SEMA5A: variants seen among roughly 807,000 people sequenced by gnomAD.
The protein encoded by SEMA5A is semaphorin 5A, also known as semaphorin-5A.
Under a neutral mutation model 135.5 loss-of-function variants are expected in SEMA5A, and 55 were observed. The observed-to-expected ratio is 0.41, with a 90% CI of 0.33 to 0.51. The LOEUF (loss-of-function observed/expected upper bound fraction) is 0.51. SEMA5A is among the 20% of genes least tolerant of loss of function. The pLI is 0.37. For synonymous variants in SEMA5A, 580 were observed against 546.5 expected (o/e 1.06, Z -0.85); for missense variants, 1,290 against 1,419.9 (o/e 0.91, Z 1.47).
At chr5:9,497,798 C>T (rs987650583) in intron 1 of SEMA5A, among the ~76,000 whole-genome samples, 1 of 152,198 alleles carries the variant, frequency 6.6e-6, no homozygotes, top group Non-Finnish European at 1.5e-5. Flanking sequence ...GGTTGATTTG[C>T]CTTCATTAAT....
At chr5:9,400,246 A>T (rs1013486134) in intron 2 of SEMA5A, among the ~76,000 whole-genome samples, 1 of 152,206 alleles carries the variant, frequency 6.6e-6, no homozygotes, top group Non-Finnish European at 1.5e-5. Context: ...TGATAGGTGC[A>T]GCAAACCACC....
rs562364061 is a variant in SEMA5A, at chr5:9,361,521, A to T, written c.124+18302T>A. On this transcript the variant is annotated intron_variant, in intron 3 of 22. Transcript: ENST00000382496. ...GTGAGTTCTAGATAAATACTTAATA[A>T]ATGTCTTACTCTGGGTTTAAATGTG... 4.4e-4 allele frequency among the ~76,000 whole-genome samples: 67 copies of T among 152,178 alleles called. No homozygotes were observed. In the Middle Eastern group the frequency reaches 0.014, roughly 31 times the overall value.
At chr5:9,355,796 G>T (rs1754415598) in intron 3 of SEMA5A, among the ~76,000 whole-genome samples, 1 of 152,118 alleles carries the variant, frequency 6.6e-6, no homozygotes, top group African/African-American at 2.4e-5. Context: ...ACTGAGAGTT[G>T]GAAGAAAGAT....
At chr5:9,217,780 G>A (rs532059242) in intron 8 of SEMA5A, among the ~76,000 whole-genome samples, 74 of 152,172 alleles carry the variant, frequency 4.9e-4, no homozygotes, top group African/African-American at 1.5e-3. Flanking sequence ...GGTTTATTCT[G>A]CTGTTAATAC....
chr5:9,103,685 C>T (rs752742827), intron 16 of SEMA5A, among the ~76,000 whole-genome samples: 6 of 152,156 alleles, frequency 3.9e-5, no homozygotes, highest in Admixed American at 6.5e-5. Context: ...CTGTATCTGA[C>T]GCTGTCTTTG....
intron 16 of SEMA5A, among the ~76,000 whole-genome samples, chr5:9,099,056 T>C (rs1440032531): frequency 6.6e-6 from 1 of 152,182 alleles, no homozygotes; most frequent in Non-Finnish European, 1.5e-5. Context: ...CAGATCTCCA[T>C]ACCAATTGCA....
chr5:9,414,895 A>G lies in SEMA5A; in HGVS notation c.-78+22861T>C, dbSNP rs77023855. 2.9e-3 allele frequency among the ~76,000 whole-genome samples: 436 copies of G among 152,316 alleles called. 3 individuals carry two copies. The highest frequency in any genetic ancestry group is 9.7e-3 in the African/African-American group (402 of 41,576). On this transcript the variant is annotated intron_variant, in intron 2 of 22. Transcript: ENST00000382496. Reference sequence around the variant, plus strand: ...TCACAAGATGACTGATTGAAACAACATATGTAAAACACCTAGGACAGTGCC... The same window carrying G: ...TCACAAGATGACTGATTGAAACAACGTATGTAAAACACCTAGGACAGTGCC...
At chr5:9,380,074 TGGG>T in intron 2 of SEMA5A, 51 bp from the exon 3 acceptor site, 1 of 1,264,028 alleles carries the variant, frequency 7.9e-7, no homozygotes. Context: ...CGTTTTCTGG[TGGG>T]TGGTCTTCTG....
intron 12 of SEMA5A, among the ~76,000 whole-genome samples, chr5:9,150,374 G>A (rs1056012167): frequency 1.3e-5 from 2 of 152,120 alleles, no homozygotes; most frequent in Non-Finnish European, 2.9e-5. Flanking sequence ...GAATAGTGCA[G>A]TTTCTCTGGT....
intron 5 of SEMA5A, among the ~76,000 whole-genome samples, chr5:9,268,198 G>A (rs1205747364): frequency 6.6e-6 from 1 of 152,132 alleles, no homozygotes; most frequent in Non-Finnish European, 1.5e-5. Flanking sequence ...GATTTCATCT[G>A]TTAAGAATCT....
intron 2 of SEMA5A, among the ~76,000 whole-genome samples, chr5:9,404,758 T>C (rs1287404251): frequency 6.6e-6 from 1 of 152,188 alleles, no homozygotes; most frequent in Non-Finnish European, 1.5e-5. Context: ...GTTATTGAGA[T>C]CACAGAAAGA....
intron 1 of SEMA5A, among the ~76,000 whole-genome samples, chr5:9,538,154 C>T (rs1390567351): frequency 6.6e-6 from 1 of 152,140 alleles, no homozygotes; most frequent in African/African-American, 2.4e-5. Flanking sequence ...AAATGAGAGG[C>T]AATTCGTATG....
chr5:9,279,449 G>T (rs577845547), intron 5 of SEMA5A, among the ~76,000 whole-genome samples: 1 of 152,216 alleles, frequency 6.6e-6, no homozygotes, highest in African/African-American at 2.4e-5. Context: ...CTGGATTTTT[G>T]AGTTAATGCT....
intron 5 of SEMA5A, among the ~76,000 whole-genome samples, chr5:9,267,626 C>T (rs1749751761): frequency 1.3e-5 from 2 of 152,102 alleles, no homozygotes; most frequent in Admixed American, 1.3e-4. Flanking sequence ...AGATAAAAGG[C>T]ATCTGATTCC....
intron 1 of SEMA5A, among the ~76,000 whole-genome samples, chr5:9,457,088 G>C: frequency 6.6e-6 from 1 of 152,094 alleles, no homozygotes. Flanking sequence ...ATCTATTTCA[G>C]AGCTTTTAGG....
intron 2 of SEMA5A, among the ~76,000 whole-genome samples, chr5:9,388,202 T>G (rs964314131): frequency 3.3e-5 from 5 of 152,226 alleles, no homozygotes; most frequent in Non-Finnish European, 4.4e-5. Flanking sequence ...AACATTAAAC[T>G]ATTTTATACA....
rs570547336 is a variant in SEMA5A, at chr5:9,215,733, C to T, written c.646+8941G>A. The stretch of plus-strand genomic sequence containing the variant: ...GTTATTTTTATTTCTGTGGGTTCAG[C>T]GGTAACATTTTCTTCTTCATTTCTA... On this transcript the variant is annotated intron_variant, in intron 8 of 22. Transcript: ENST00000382496. Among the ~76,000 whole-genome samples, 19 of 152,104 alleles carry T rather than the reference C, an allele frequency of 1.2e-4. No homozygotes were observed. The East Asian group carries it at 1.4e-3, about 11-fold the overall frequency.
intron 3 of SEMA5A, among the ~76,000 whole-genome samples, chr5:9,364,618 TAAG>T (rs756231206): frequency 2.6e-5 from 4 of 152,188 alleles, no homozygotes; most frequent in East Asian, 1.9e-4. Context: ...ATTAAAATTA[TAAG>T]AAGGACAAAT....
At chr5:9,146,180 C>T (rs1244642360) in intron 12 of SEMA5A, among the ~76,000 whole-genome samples, 3 of 152,106 alleles carry the variant, frequency 2.0e-5, no homozygotes, top group Non-Finnish European at 4.4e-5. Flanking sequence ...ACACTGTGCT[C>T]CAGCCCAAGC....
Sources: gnomAD v4.1 joint callset for allele counts (sites outside exome capture counted in the v4.1 genomes callset) on GRCh38, gnomAD v4.1.1 for gene constraint, MANE v1.5 for transcripts, NCBI Gene and HGNC (gene_info 2026-07-23, HGNC 2026-07-21) for gene names.